The following CAPN3 variants were observed in gnomAD, a reference collection of about 807,000 sequenced individuals.
The protein encoded by CAPN3 is calpain-3.
In CAPN3, 88 loss-of-function variants were observed where a neutral mutation model predicts 114.0. That is an observed-to-expected ratio of 0.77 (90% CI 0.65 to 0.92). The LOEUF (loss-of-function observed/expected upper bound fraction) is 0.92. Ranked by LOEUF, CAPN3 falls within the 40% of genes least tolerant of loss-of-function variation. The pLI is 0.00. For missense variants in CAPN3, 1,028 were observed against 1,069.0 expected, an observed-to-expected ratio of 0.96 and a Z score of 0.53; for synonymous variants, 386 against 382.9, an observed-to-expected ratio of 1.01 and a Z score of -0.09.
Position 42,407,108 on chromosome 15 carries a change from C to T in CAPN3, c.1801-1103C>T, listed in dbSNP as rs774341640. ...CCCCCGGCTTTCCCTACAGGTGCAC[C>T]GCATCCACAGTGTTGGCACCATGCA... On this transcript the variant is annotated intron_variant, in intron 15 of 23. Coordinates refer to ENST00000397163, the MANE Select transcript of CAPN3 (RefSeq NM_000070.3). Among the ~76,000 whole-genome samples the T allele has an allele frequency of 5.3e-5, 8 of 152,174 alleles. No homozygotes were observed. The South Asian group carries it at 6.2e-4, about 12-fold the overall frequency.
Position 42,411,882 on chromosome 15 carries a change from G to A in CAPN3, c.*109G>A. The A allele has an allele frequency of 1.3e-6, 2 of 1,596,862 alleles. No homozygotes were observed. Among genetic ancestry groups the A allele is most frequent in the East Asian group, 2.3e-5 (1 of 44,310 alleles). ...GGACCCAGCAGCTACACCCCTACAGGCTTCCAGGCACCTCATCAGTCATGC... is the reference window on the plus strand; with the variant it reads ...GGACCCAGCAGCTACACCCCTACAGACTTCCAGGCACCTCATCAGTCATGC... On this transcript the variant is annotated 3_prime_UTR_variant, in exon 24 of 24. Transcript: ENST00000397163.
At position 42,389,015 on chromosome 15, in the gene CAPN3, G is replaced by C; in HGVS notation, c.720G>C (p.Glu240Asp). Residue 240 changes from glutamate (E) to aspartate (D), a missense_variant, in exon 5 of 24, where the codon GAG becomes GAC. Coordinates refer to ENST00000397163, the MANE Select transcript of CAPN3 (RefSeq NM_000070.3). ...CAGGAGGGGTGGCAGAGTTTTTTGAGATCAGGGATGCTCCTAGTGACATGT... is the reference window on the plus strand; with the variant it reads ...CAGGAGGGGTGGCAGAGTTTTTTGACATCAGGGATGCTCCTAGTGACATGT... ...DFTGGVAEFF[E>D]IRDAPSDMYK... The C allele has an allele frequency of 6.2e-7, 1 of 1,614,118 alleles. No homozygotes were observed. The highest frequency in any genetic ancestry group is 8.5e-7 in the Non-Finnish European group (1 of 1,180,006).
chr15:42,402,221 G>A, intron 12 of CAPN3, 86 bp downstream of exon 12: 1 of 1,607,924 alleles, frequency 6.2e-7, no homozygotes, highest in Admixed American at 1.7e-5. Context: ...GAAGCTTCCT[G>A]GTGGGGTTTG....
chr15:42,402,608 C>A, intron 12 of CAPN3, 186 bp from the exon 13 acceptor site: 1 of 1,514,514 alleles, frequency 6.6e-7, no homozygotes, highest in Non-Finnish European at 8.8e-7. Context: ...CACTCTGAAT[C>A]ACAACAGAAA....
At position 42,386,270 on chromosome 15, in the gene CAPN3, G is replaced by A. The variant is rs1595819807; in HGVS notation, c.483G>A (p.Gly161=). The A allele has an allele frequency of 3.1e-6, 5 of 1,611,382 alleles. No homozygotes were observed. In the East Asian group the frequency reaches 1.1e-4, roughly 36 times the overall value. ...HDQSFIENYA[G]IFHFQFWRYG... ...AAAGTTTCATCGAAAACTACGCAGG[G>A]ATCTTCCACTTCCAGGTGAGGTAAT... The change falls in exon 3 of 24, where the codon GGG becomes GGA. Residue 161 remains glycine (G), a synonymous_variant. Coordinates refer to ENST00000397163, the MANE Select transcript of CAPN3 (RefSeq NM_000070.3).
intron 7 of CAPN3, among the ~76,000 whole-genome samples, chr15:42,393,206 T>C (rs2053605690): frequency 6.6e-6 from 1 of 152,240 alleles, no homozygotes; most frequent in Admixed American, 6.5e-5. Flanking sequence ...AAGTCATCTC[T>C]GGATTACTTA....
In CAPN3 at chr15:42,410,892, C is replaced by G; in HGVS notation, c.2272C>G (p.Leu758Val). The G allele has an allele frequency of 6.2e-7, 1 of 1,613,820 alleles. No individual in the cohort carries two copies. The highest frequency in any genetic ancestry group is 8.5e-7 in the Non-Finnish European group (1 of 1,179,672). ...CATGGTCCCCTCCACAGGATTCCAC[C>G]TCAACAACCAGCTCTATGACATCAT... The part of the protein sequence containing the change: ...RNAVNDAGFH[L>V]NNQLYDIITM... The change falls in exon 22 of 24, where the codon CTC becomes GTC. Residue 758 changes from leucine (L) to valine (V), a missense_variant. Transcript: ENST00000397163.
chr15:42,385,553 GAGAGAGAA>G (rs1157403864), intron 2 of CAPN3: 2 of 428,420 alleles, frequency 4.7e-6, no homozygotes, highest in African/African-American at 4.1e-5. Flanking sequence ...GAGAGAGAGA[GAGAGAGAA>G]AGAGAGCAAA....
rs78920810 is a variant in CAPN3 at position 42,371,099 on chromosome 15, A to G, written c.309+10985A>G. 9.2e-3 allele frequency among the ~76,000 whole-genome samples: 1,403 copies of G among 152,338 alleles called. 28 individuals carry two copies. Among genetic ancestry groups the G allele is most frequent in the African/African-American group, 0.033 (1,354 of 41,554 alleles). On this transcript the variant is annotated intron_variant, in intron 1 of 23. Coordinates refer to ENST00000397163, the MANE Select transcript of CAPN3 (RefSeq NM_000070.3). ...TATACATAACATAATACAATGAGTC[A>G]ATAAATAATGATGATAGTAACTGAA... is the stretch of plus-strand genomic sequence containing the variant.
At chr15:42,384,919 A>G (rs571565235) in intron 2 of CAPN3, among the ~76,000 whole-genome samples, 285 of 152,304 alleles carry the variant, frequency 1.9e-3, no homozygotes, top group African/African-American at 6.6e-3. Flanking sequence ...GGGCATGGAG[A>G]TTCTAGATAC....
chr15:42,408,588 G>A, intron 16 of CAPN3: 1 of 449,980 alleles, frequency 2.2e-6, no homozygotes, highest in South Asian at 1.9e-5. Context: ...AGGATACAGA[G>A]AAGGGGAGGC....
chr15:42,371,197 G>A (rs760779322), intron 1 of CAPN3, among the ~76,000 whole-genome samples: 10 of 151,994 alleles, frequency 6.6e-5, no homozygotes, highest in Admixed American at 1.3e-4. Context: ...GTGTCATCAC[G>A]GGGGTAGGGG....
chr15:42,372,549 G>A (rs1812301311), intron 1 of CAPN3, among the ~76,000 whole-genome samples: 1 of 151,800 alleles, frequency 6.6e-6, no homozygotes, highest in South Asian at 2.1e-4. Flanking sequence ...TTTTTTTTGA[G>A]TCAAGGTCTC....
At chr15:42,411,225 G>A in intron 22 of CAPN3, 62 bp from the exon 23 acceptor site, 2 of 1,395,026 alleles carry the variant, frequency 1.4e-6, no homozygotes, top group Non-Finnish European at 2.0e-6. Context: ...CTGAGGGGAA[G>A]TTACAGTAGT....
intron 5 of CAPN3, 74 bp downstream of exon 5, chr15:42,389,170 A>G (rs1320483825): frequency 2.6e-5 from 37 of 1,431,394 alleles, no homozygotes; most frequent in East Asian, 1.4e-4. Context: ...GAAGGGCAGC[A>G]TAGAGCTTTT....
chr15:42,360,323 C>T (rs1010871876), intron 1 of CAPN3, among the ~76,000 whole-genome samples: 15 of 150,702 alleles, frequency 1.0e-4, no homozygotes, highest in Admixed American at 4.6e-4. Flanking sequence ...AGAGGGAGAG[C>T]GCAGGAGGTG....
At chr15:42,383,614 A>G (rs2053306027) in intron 1 of CAPN3, among the ~76,000 whole-genome samples, 2 of 152,116 alleles carry the variant, frequency 1.3e-5, no homozygotes, top group Non-Finnish European at 2.9e-5. Context: ...TCTGTCTCAA[A>G]AACAATACAA....
chr15:42,375,574 C>T (rs2053070023), intron 1 of CAPN3, among the ~76,000 whole-genome samples: 1 of 152,042 alleles, frequency 6.6e-6, no homozygotes, highest in South Asian at 2.1e-4. Context: ...CTGAGGAGGG[C>T]ATATACAGCC....
At chr15:42,386,319 C>T (rs1343962727) in intron 3 of CAPN3, 34 bp downstream of exon 3, 13 of 1,436,012 alleles carry the variant, frequency 9.1e-6, no homozygotes, top group Admixed American at 8.4e-5. Context: ...AGAGGGCCAG[C>T]GGCAGGCCAC....
Sources: allele counts gnomAD v4.1 joint callset (sites outside exome capture counted in the v4.1 genomes callset), GRCh38; gene constraint gnomAD v4.1.1; transcripts MANE v1.5; gene names NCBI Gene and HGNC (gene_info 2026-07-23, HGNC 2026-07-21).